CNTNAP2: variants seen among roughly 807,000 people sequenced by gnomAD.
The protein encoded by CNTNAP2 is contactin-associated protein-like 2.
A neutral mutation model predicts 155.2 loss-of-function variants in CNTNAP2; 98 were observed. The ratio of observed to expected loss-of-function variants is 0.63; its 90% CI spans 0.54 to 0.75. The LOEUF (loss-of-function observed/expected upper bound fraction) is 0.75, where lower values mean the gene tolerates loss of function less well. Among genes scored for constraint, CNTNAP2 ranks in the 30% least tolerant of loss-of-function variants. The pLI, the probability that CNTNAP2 is intolerant of heterozygous loss-of-function variation, is 0.00. For missense variants in CNTNAP2, 1,727 were observed against 1,688.1 expected, an observed-to-expected ratio of 1.02 and a Z score of -0.40; for synonymous variants, 651 against 631.2, an observed-to-expected ratio of 1.03 and a Z score of -0.47.
chr7:147,990,548 T>G (rs191311633), intron 15 of CNTNAP2, among the ~76,000 whole-genome samples: 1 of 152,086 alleles, frequency 6.6e-6, no homozygotes, highest in South Asian at 2.1e-4. Flanking sequence ...GGAGATTATC[T>G]TGGGGCTGGC....
At chr7:146,896,894 G>A (rs918990555) in intron 3 of CNTNAP2, among the ~76,000 whole-genome samples, 1 of 151,636 alleles carries the variant, frequency 6.6e-6, no homozygotes, top group Non-Finnish European at 1.5e-5. Flanking sequence ...AATTAATGAG[G>A]GAAATTTTAA....
At chr7:147,120,871 G>C in intron 5 of CNTNAP2, 108 bp from the exon 6 acceptor site, 1 of 1,001,810 alleles carries the variant, frequency 1.0e-6, no homozygotes, top group Non-Finnish European at 1.6e-6. Context: ...AATGGATAGA[G>C]CTTTGATGGA....
At chr7:148,099,420 A>AG (rs1445717965) in intron 15 of CNTNAP2, among the ~76,000 whole-genome samples, 1 of 102,364 alleles carries the variant, frequency 9.8e-6, no homozygotes, top group African/African-American at 5.8e-5. Flanking sequence ...AAGCATTGCA[A>AG]TTGTGTGTGT....
chr7:146,779,872 A>G (rs1802452730), intron 2 of CNTNAP2, among the ~76,000 whole-genome samples: 1 of 152,208 alleles, frequency 6.6e-6, no homozygotes, highest in Non-Finnish European at 1.5e-5. Flanking sequence ...ATTAATAATC[A>G]CTTATCAAAG....
At chr7:148,301,208 C>T (rs890084889) in intron 21 of CNTNAP2, among the ~76,000 whole-genome samples, 21 of 151,056 alleles carry the variant, frequency 1.4e-4, no homozygotes, top group African/African-American at 3.9e-4. Context: ...GCAGGAGAAT[C>T]ACTGGAACCC....
chr7:147,657,068 A>C (rs965111716), intron 13 of CNTNAP2, among the ~76,000 whole-genome samples: 3 of 152,236 alleles, frequency 2.0e-5, no homozygotes, highest in Non-Finnish European at 4.4e-5. Context: ...ATGTCCCTGA[A>C]GTGAGACATT....
At chr7:147,038,626 C>T (rs922018504) in intron 3 of CNTNAP2, among the ~76,000 whole-genome samples, 11 of 152,152 alleles carry the variant, frequency 7.2e-5, no homozygotes, top group African/African-American at 1.7e-4. Flanking sequence ...TTTCACTCAG[C>T]GTGCATTGGA....
intron 8 of CNTNAP2, among the ~76,000 whole-genome samples, chr7:147,151,608 C>A (rs1249205751): frequency 6.6e-6 from 1 of 151,950 alleles, no homozygotes; most frequent in African/African-American, 2.4e-5. Context: ...TCTTCACTTT[C>A]ACCTGTGTAA....
chr7:147,063,362 T>TAAA (rs35966916), intron 4 of CNTNAP2, among the ~76,000 whole-genome samples: 18 of 151,362 alleles, frequency 1.2e-4, no homozygotes, highest in African/African-American at 3.9e-4. Context: ...ACTTTGTTGG[T>TAAA]AAAAAAAAAT....
chr7:146,518,666 TA>T, intron 1 of CNTNAP2, among the ~76,000 whole-genome samples: 1 of 151,838 alleles, frequency 6.6e-6, no homozygotes, highest in East Asian at 1.9e-4. Flanking sequence ...AGTAGGAGCA[TA>T]AACAGAGTGT....
chr7:147,651,102 G>A (rs540811501), intron 13 of CNTNAP2, among the ~76,000 whole-genome samples: 9 of 152,202 alleles, frequency 5.9e-5, no homozygotes, highest in South Asian at 4.1e-4. Flanking sequence ...AGGTTCAACC[G>A]GAGAAACAGA....
chr7:147,510,455 T>A (rs527929851), intron 11 of CNTNAP2, among the ~76,000 whole-genome samples: 1 of 151,770 alleles, frequency 6.6e-6, no homozygotes, highest in African/African-American at 2.4e-5. Flanking sequence ...ATAAAGGGAG[T>A]CCCAGTTATG....
chr7:147,287,287 T>C (rs939098870), intron 8 of CNTNAP2, among the ~76,000 whole-genome samples: 65 of 152,158 alleles, frequency 4.3e-4, no homozygotes, highest in African/African-American at 1.5e-3. Context: ...CCCCGGGAGA[T>C]GGCGAAGGAT....
intron 1 of CNTNAP2, among the ~76,000 whole-genome samples, chr7:146,592,973 T>C (rs1798805404): frequency 6.6e-6 from 1 of 151,864 alleles, no homozygotes; most frequent in South Asian, 2.1e-4. Flanking sequence ...TGTTATTGCT[T>C]TCAGGTATGT....
chr7:148,024,547 A>G (rs1269751831), intron 15 of CNTNAP2, among the ~76,000 whole-genome samples: 1 of 152,190 alleles, frequency 6.6e-6, no homozygotes, highest in Non-Finnish European at 1.5e-5. Context: ...TCCTCACATT[A>G]TCAATGACTT....
intron 2 of CNTNAP2, among the ~76,000 whole-genome samples, chr7:146,813,882 G>C (rs1372960630): frequency 2.0e-5 from 3 of 152,126 alleles, no homozygotes; most frequent in Non-Finnish European, 4.4e-5. Flanking sequence ...ATGGTAGTGA[G>C]TGAGTTCTCA....
At chr7:147,828,280 C>A (rs569025081) in intron 13 of CNTNAP2, among the ~76,000 whole-genome samples, 1 of 152,098 alleles carries the variant, frequency 6.6e-6, no homozygotes, top group African/African-American at 2.4e-5. Context: ...AGGGAGCAGA[C>A]AAAATTGGAT....
intron 9 of CNTNAP2, among the ~76,000 whole-genome samples, chr7:147,313,487 C>A (rs1193288430): frequency 6.7e-6 from 1 of 150,040 alleles, no homozygotes; most frequent in Non-Finnish European, 1.5e-5. Context: ...ATATGGCTAG[C>A]CAGTTTTCCC....
At chr7:147,513,197 A>G (rs1486576731) in intron 11 of CNTNAP2, among the ~76,000 whole-genome samples, 1 of 152,198 alleles carries the variant, frequency 6.6e-6, no homozygotes, top group Non-Finnish European at 1.5e-5. Flanking sequence ...ATATTTGGTA[A>G]AGAGAAACTA....
Sources: gnomAD v4.1 joint callset for allele counts (sites outside exome capture counted in the v4.1 genomes callset) on GRCh38, gnomAD v4.1.1 for gene constraint, MANE v1.5 for transcripts, NCBI Gene and HGNC (gene_info 2026-07-23, HGNC 2026-07-21) for gene names.